Variants in CCDC90B observed in about 807,000 individuals in gnomAD.
CCDC90B encodes coiled-coil domain-containing protein 90B, mitochondrial.
A neutral mutation model predicts 37.0 loss-of-function variants in CCDC90B; 24 were observed. The ratio of observed to expected loss-of-function variants is 0.65; its 90% CI spans 0.47 to 0.91. CCDC90B has a LOEUF of 0.91. CCDC90B is among the 40% of genes least tolerant of loss of function. The probability of loss-of-function intolerance (pLI) is 0.00; values close to 1 mark genes in which losing one functional copy is unlikely to be tolerated. For missense variants in CCDC90B, 319 were observed against 299.0 expected (o/e 1.07, Z -0.49); for synonymous variants, 113 against 101.1 (o/e 1.12, Z -0.71).
intron 8 of CCDC90B, among the ~76,000 whole-genome samples, chr11:83,265,070 G>A (rs193189952): frequency 6.7e-4 from 102 of 152,036 alleles, no homozygotes; most frequent in Non-Finnish European, 1.2e-3. Context: ...TAACTAACCT[G>A]CACATTGTGC....
Position 83,273,701 on chromosome 11 carries a change from C to G in CCDC90B, c.541-1G>C, listed in dbSNP as rs1565214154. On this transcript the variant is annotated splice_acceptor_variant, in intron 6 of 8. Transcript: ENST00000529689. LOFTEE classifies it high-confidence loss of function. ...TAAGTTGCTTTTCTTGATCTGTAAA[C>G]TATAGGATATGAAGCAGCAGGAAGT... is the stretch of plus-strand genomic sequence containing the variant. 6.2e-7 allele frequency: 1 copy of G among 1,604,610 alleles called. No individual in the cohort carries two copies. The highest frequency in any genetic ancestry group is 2.2e-5 in the East Asian group (1 of 44,728).
At position 83,269,163 on chromosome 11, in the gene CCDC90B, G is replaced by T. The variant is rs544752551; in HGVS notation, c.595-3184C>A. Among the ~76,000 whole-genome samples, 9 of 152,178 alleles carry T rather than the reference G, an allele frequency of 5.9e-5. No individual in the cohort carries two copies. The South Asian group carries it at 1.9e-3, about 32-fold the overall frequency. On this transcript the variant is annotated intron_variant, in intron 7 of 8. Coordinates refer to ENST00000529689, the MANE Select transcript of CCDC90B (RefSeq NM_021825.5). ...ACTAAATGCCCACAAGAGAAAGCAG[G>T]AAAGATCTAAAATCGACACCCTAAC...
At chr11:83,281,732 G>A (rs910567541) in intron 1 of CCDC90B, among the ~76,000 whole-genome samples, 2 of 151,680 alleles carry the variant, frequency 1.3e-5, no homozygotes, top group Non-Finnish European at 2.9e-5. Flanking sequence ...GAGTAATGAT[G>A]GTACTCTTAG....
chr11:83,285,943 A>T lies in CCDC90B; in HGVS notation c.30T>A (p.Phe10Leu), dbSNP rs494791. 7 of 1,612,132 alleles carry T rather than the reference A, an allele frequency of 4.3e-6. No homozygotes were observed. The African/African-American group carries it at 8.0e-5, about 18-fold the overall frequency. The change falls in exon 1 of 9, where the codon TTT (phenylalanine) becomes TTA (leucine). Residue 10 changes from phenylalanine to leucine, a missense_variant. Phe to Leu is a conservative substitution (Grantham distance 22). Transcript: ENST00000529689. ...AACGATCTCCTCTGCCTTGGGAGAG[A>T]AAGAGCCGCCAAGCCTGGCGACTAT... Reference protein sequence around the residue: MNSRQAWRLFLSQGRGDRWV... With the variant: MNSRQAWRLLLSQGRGDRWV...
At chr11:83,268,894 C>T (rs919694837) in intron 7 of CCDC90B, among the ~76,000 whole-genome samples, 1 of 152,168 alleles carries the variant, frequency 6.6e-6, no homozygotes, top group Non-Finnish European at 1.5e-5. Flanking sequence ...TGTAAAAGAA[C>T]AGAAATCACA....
At chr11:83,267,884 A>C (rs1216411095) in intron 7 of CCDC90B, among the ~76,000 whole-genome samples, 1 of 152,248 alleles carries the variant, frequency 6.6e-6, no homozygotes, top group East Asian at 1.9e-4. Flanking sequence ...CCACAAAGGG[A>C]AGCCCATCAG....
At chr11:83,282,213 GGCTAAC>G (rs1271427119) in intron 1 of CCDC90B, among the ~76,000 whole-genome samples, 1 of 152,218 alleles carries the variant, frequency 6.6e-6, no homozygotes, top group African/African-American at 2.4e-5. Context: ...TGTGATCAAT[GGCTAAC>G]TGGGAGCTGC....
intron 1 of CCDC90B, chr11:83,285,649 A>G: frequency 1.4e-6 from 2 of 1,385,536 alleles, no homozygotes. Flanking sequence ...AGGCCTTCAA[A>G]GGTTCGCTTT....
At chr11:83,267,236 T>C (rs1255109359) in intron 7 of CCDC90B, 1 of 152,218 alleles carries the variant, frequency 6.6e-6, no homozygotes, top group Non-Finnish European at 1.5e-5. Context: ...TTGCCAGCAA[T>C]GGCAAGAAGA....
intron 8 of CCDC90B, among the ~76,000 whole-genome samples, chr11:83,265,043 G>A (rs1273877403): frequency 6.6e-6 from 1 of 151,878 alleles, no homozygotes; most frequent in Non-Finnish European, 1.5e-5. Context: ...CACCAGCATG[G>A]CACATGTATA....
intron 3 of CCDC90B, 153 bp from the exon 4 acceptor site, chr11:83,274,893 A>T: frequency 2.2e-6 from 1 of 450,106 alleles, no homozygotes; most frequent in South Asian, 3.4e-5. Flanking sequence ...TATCTGAAAT[A>T]TCAAAATGAA....
rs1863933387 is a variant in CCDC90B at position 83,261,695 on chromosome 11, G to T, written c.*216C>A. 2 of 354,504 alleles carry T rather than the reference G, an allele frequency of 5.6e-6. No individual in the cohort carries two copies. The highest frequency in any genetic ancestry group is 4.2e-5 in the African/African-American group (2 of 47,200). 22.0% of individuals were successfully genotyped at this position (354,504 alleles called of 1,614,324 possible). ...TATCTCAAACCAGGTCTGAGTGACA[G>T]CTTTTCAATATAATAAAGACACACA... On this transcript the variant is annotated 3_prime_UTR_variant, in exon 9 of 9. Transcript: ENST00000529689.
intron 8 of CCDC90B, 151 bp from the exon 9 acceptor site, chr11:83,262,117 A>G (rs1443674120): frequency 5.5e-6 from 3 of 541,636 alleles, no homozygotes; most frequent in Non-Finnish European, 9.7e-6. Flanking sequence ...ACAATTAAGT[A>G]TGAAAGACAT....
intron 7 of CCDC90B, 37 bp from the exon 8 acceptor site, chr11:83,266,016 C>A: frequency 8.9e-7 from 1 of 1,126,118 alleles, no homozygotes; most frequent in Non-Finnish European, 1.3e-6. Context: ...TAATTTTGTC[C>A]CTATGTATTA....
At chr11:83,284,286 C>A (rs1187463136) in intron 1 of CCDC90B, among the ~76,000 whole-genome samples, 1 of 152,192 alleles carries the variant, frequency 6.6e-6, no homozygotes, top group Admixed American at 6.5e-5. Flanking sequence ...GCACCAAGCT[C>A]CTCTTTGCTG....
At chr11:83,273,042 T>C (rs1379804034) in intron 7 of CCDC90B, among the ~76,000 whole-genome samples, 3 of 152,058 alleles carry the variant, frequency 2.0e-5, no homozygotes, top group Non-Finnish European at 1.5e-5. Context: ...GAGACTGAAA[T>C]GAATATTAAG....
intron 7 of CCDC90B, chr11:83,267,396 A>C (rs937111320): frequency 6.6e-6 from 1 of 152,250 alleles, no homozygotes; most frequent in Non-Finnish European, 1.5e-5. Context: ...GCTAACTAGA[A>C]TAAACAGTGT....
At chr11:83,285,146 A>C (rs1865605228) in intron 1 of CCDC90B, 1 of 1,268,328 alleles carries the variant, frequency 7.9e-7, no homozygotes, top group Non-Finnish European at 1.0e-6. Context: ...AAGATTCAAG[A>C]AGGTGAACAG....
rs1290455005 is a variant in CCDC90B at position 83,280,165 on chromosome 11, A to G, written c.196T>C (p.Leu66=). The G allele has an allele frequency of 1.9e-6, 3 of 1,612,488 alleles. No individual in the cohort carries two copies. Among genetic ancestry groups the G allele is most frequent in the African/African-American group, 2.7e-5 (2 of 74,974 alleles). The part of the protein sequence containing the change: ...QRKLTFDTHA[L]VQDLETHGFD... ...CCATGAGTTTCCAAGTCCTGAACCA[A>G]TGCATGGGTATCAAAAGTTAATTTC... The change falls in exon 2 of 9, where the codon TTG becomes CTG. Residue 66 remains leucine (L), a synonymous_variant. Coordinates refer to ENST00000529689, the MANE Select transcript of CCDC90B (RefSeq NM_021825.5).
Sources: gnomAD v4.1 joint callset for allele counts (sites outside exome capture counted in the v4.1 genomes callset) on GRCh38, gnomAD v4.1.1 for gene constraint, MANE v1.5 for transcripts, NCBI Gene and HGNC (gene_info 2026-07-23, HGNC 2026-07-21) for gene names.